Variants in CDC42BPA observed in about 807,000 individuals in gnomAD.
The protein encoded by CDC42BPA is CDC42 binding protein kinase alpha.
Under a neutral mutation model 223.5 loss-of-function variants are expected in CDC42BPA, and 80 were observed. The observed-to-expected ratio is 0.36, with a 90% CI of 0.30 to 0.43. The LOEUF is 0.43. CDC42BPA is among the 20% of genes least tolerant of loss of function. CDC42BPA has a pLI of 1.00. For missense variants in CDC42BPA, 1,743 were observed against 2,099.9 expected, an observed-to-expected ratio of 0.83 and a Z score of 3.32; for synonymous variants, 694 against 718.6, an observed-to-expected ratio of 0.97 and a Z score of 0.55.
chr1:227,051,577 T>A (rs1296684727), intron 22 of CDC42BPA, among the ~76,000 whole-genome samples: 2 of 152,198 alleles, frequency 1.3e-5, no homozygotes, highest in Non-Finnish European at 2.9e-5. Context: ...TGCACTGCCA[T>A]TTGCCTAGAG....
chr1:227,019,221 CCAT>C (rs1666905775), intron 32 of CDC42BPA, among the ~76,000 whole-genome samples: 1 of 152,134 alleles, frequency 6.6e-6, no homozygotes, highest in South Asian at 2.1e-4. Context: ...AACATCTTCA[CCAT>C]GAGTAGATTC....
At chr1:227,001,732 CCCCG>C (rs1662889994) in intron 35 of CDC42BPA, among the ~76,000 whole-genome samples, 1 of 151,958 alleles carries the variant, frequency 6.6e-6, no homozygotes, top group Non-Finnish European at 1.5e-5. Context: ...CATGGTGAAA[CCCCG>C]TCTCTACTAA....
intron 6 of CDC42BPA, among the ~76,000 whole-genome samples, chr1:227,148,772 C>CAAAAAAAAAAAAAAAA (rs57635319): frequency 5.1e-5 from 4 of 78,786 alleles, no homozygotes; most frequent in African/African-American, 1.7e-4. Flanking sequence ...GTCTCAAAAG[C>CAAAAAAAAAAAAAAAA]AAAAAAAAAA....
At position 227,317,523 on chromosome 1, in the gene CDC42BPA, A is replaced by C. The variant is rs1020412167; in HGVS notation, c.-341T>G. The C allele has an allele frequency of 5.0e-6, 2 of 398,660 alleles. No individual in the cohort carries two copies. Among genetic ancestry groups the C allele is most frequent in the African/African-American group, 2.1e-5 (1 of 48,634 alleles). The allele number at this position is 398,660 out of a possible 1,614,324, so 24.7% of individuals were successfully genotyped here. ...GTCAACACTTCTTTAAAAAAAAAAA[A>C]AAAAACTCTTCTCCTTCATTCAAAA... On this transcript the variant is annotated 5_prime_UTR_variant, in exon 1 of 37. Transcript: ENST00000366766.
chr1:227,156,549 G>A (rs1558633729), intron 6 of CDC42BPA, among the ~76,000 whole-genome samples: 1 of 151,852 alleles, frequency 6.6e-6, no homozygotes, highest in Admixed American at 6.6e-5. Flanking sequence ...ACCATTTTGA[G>A]TTCATCAATA....
chr1:227,124,055 T>A (rs972010339), intron 11 of CDC42BPA, among the ~76,000 whole-genome samples: 15 of 152,128 alleles, frequency 9.9e-5, no homozygotes, highest in Admixed American at 5.9e-4. Flanking sequence ...TTTAAAAAAA[T>A]TTTATTTTTG....
intron 1 of CDC42BPA, among the ~76,000 whole-genome samples, chr1:227,281,849 T>C (rs1244334518): frequency 6.6e-6 from 1 of 152,176 alleles, no homozygotes. Flanking sequence ...TACCTGGCTC[T>C]GGGTAAAACC....
chr1:227,095,000 C>T (rs961088680), intron 15 of CDC42BPA, among the ~76,000 whole-genome samples: 1 of 152,188 alleles, frequency 6.6e-6, no homozygotes, highest in African/African-American at 2.4e-5. Context: ...TAGGTGTCTT[C>T]AGATGACAGT....
chr1:227,228,420 T>C (rs1677232897), intron 2 of CDC42BPA, among the ~76,000 whole-genome samples: 1 of 152,228 alleles, frequency 6.6e-6, no homozygotes, highest in African/African-American at 2.4e-5. Context: ...TGTTTATGCA[T>C]TCATCAGTTG....
At chr1:227,033,805 G>A (rs971005579) in intron 26 of CDC42BPA, among the ~76,000 whole-genome samples, 4 of 152,086 alleles carry the variant, frequency 2.6e-5, no homozygotes, top group Non-Finnish European at 5.9e-5. Flanking sequence ...CATCTACAAC[G>A]TATTTCCTCC....
At chr1:227,059,078 A>G (rs534081324) in intron 21 of CDC42BPA, among the ~76,000 whole-genome samples, 17 of 152,308 alleles carry the variant, frequency 1.1e-4, no homozygotes, top group Middle Eastern at 3.4e-3. Flanking sequence ...GACTACTTAG[A>G]AGGCATACTT....
chr1:227,267,449 C>G (rs1685193310), intron 1 of CDC42BPA, among the ~76,000 whole-genome samples: 1 of 152,088 alleles, frequency 6.6e-6, no homozygotes, highest in African/African-American at 2.4e-5. Context: ...AAATGTACAA[C>G]CCAATCTATA....
At chr1:227,238,342 A>C (rs778529363) in intron 2 of CDC42BPA, among the ~76,000 whole-genome samples, 9 of 147,684 alleles carry the variant, frequency 6.1e-5, no homozygotes, top group Non-Finnish European at 1.1e-4. Flanking sequence ...ACCCTGTCTC[A>C]TTAAAAAAAC....
At chr1:227,227,070 T>G (rs1572486630) in intron 2 of CDC42BPA, among the ~76,000 whole-genome samples, 1 of 152,022 alleles carries the variant, frequency 6.6e-6, no homozygotes, top group East Asian at 1.9e-4. Flanking sequence ...GAAGACACAA[T>G]TGCATAACTA....
intron 34 of CDC42BPA, among the ~76,000 whole-genome samples, chr1:227,011,827 CT>C (rs1395384291): frequency 1.3e-5 from 2 of 152,172 alleles, no homozygotes; most frequent in Non-Finnish European, 2.9e-5. Flanking sequence ...GTCACCTTCT[CT>C]AATGGGAATT....
rs186384835 is a variant in CDC42BPA at position 227,035,616 on chromosome 1, G to A, written c.3200-9C>T. The A allele has an allele frequency of 4.0e-5, 62 of 1,561,216 alleles. No individual in the cohort carries two copies. The Admixed American group carries it at 9.9e-4, about 25-fold the overall frequency. ...GCATGAGAATCCACACACTTTTAGA[G>A]GGAAAAAAGAAACGTTTGATAAAAA... On this transcript the variant is annotated splice_polypyrimidine_tract_variant and intron_variant, in intron 24 of 36. Transcript: ENST00000366766.
intron 1 of CDC42BPA, among the ~76,000 whole-genome samples, chr1:227,308,932 CAT>C (rs1223769273): frequency 6.6e-6 from 1 of 152,148 alleles, no homozygotes; most frequent in Admixed American, 6.6e-5. Flanking sequence ...CATGATTGCA[CAT>C]GACTGAAATA....
At chr1:227,316,945 C>T (rs936553517) in intron 1 of CDC42BPA, 60 bp downstream of exon 1, 8 of 1,270,384 alleles carry the variant, frequency 6.3e-6, no homozygotes, top group Non-Finnish European at 9.1e-6. Flanking sequence ...ACTCTCTATA[C>T]CAATTAAATC....
chr1:227,263,986 C>T (rs1359268406), intron 1 of CDC42BPA, among the ~76,000 whole-genome samples: 1 of 152,154 alleles, frequency 6.6e-6, no homozygotes, highest in African/African-American at 2.4e-5. Context: ...ATAGTAACTC[C>T]AGATATATGT....
Sources: gnomAD v4.1 joint callset for allele counts (sites outside exome capture counted in the v4.1 genomes callset) on GRCh38, gnomAD v4.1.1 for gene constraint, MANE v1.5 for transcripts, NCBI Gene and HGNC (gene_info 2026-07-23, HGNC 2026-07-21) for gene names.